The following CALB1 variants were observed in gnomAD, a reference collection of about 807,000 sequenced individuals.
The protein encoded by CALB1 is calbindin 1, also known as calbindin.
Under a neutral mutation model 46.7 loss-of-function variants are expected in CALB1, and 16 were observed. The ratio of observed to expected loss-of-function variants is 0.34; its 90% CI spans 0.23 to 0.52. CALB1 has a LOEUF of 0.52. Ranked by LOEUF, CALB1 falls within the 20% of genes least tolerant of loss-of-function variation. CALB1 has a pLI of 0.95. For synonymous variants in CALB1, 90 were observed against 112.8 expected, an observed-to-expected ratio of 0.80 and a Z score of 1.28; for missense variants, 224 against 300.3, an observed-to-expected ratio of 0.75 and a Z score of 1.88.
chr8:90,074,029 A>G (rs1484635735), intron 3 of CALB1, among the ~76,000 whole-genome samples: 1 of 150,686 alleles, frequency 6.6e-6, no homozygotes, highest in African/African-American at 2.4e-5. Flanking sequence ...TTTTTTTTTC[A>G]CTTGAGAACC....
At chr8:90,074,564 T>C (rs1814587532) in intron 3 of CALB1, among the ~76,000 whole-genome samples, 1 of 152,198 alleles carries the variant, frequency 6.6e-6, no homozygotes, top group South Asian at 2.1e-4. Flanking sequence ...AAAATCAGAT[T>C]TCATTGTCAG....
At chr8:90,082,004 T>G (rs1286595018) in intron 2 of CALB1, 22 bp downstream of exon 2, 2 of 1,600,392 alleles carry the variant, frequency 1.2e-6, no homozygotes, top group East Asian at 2.2e-5. Flanking sequence ...TCTTTTTTTC[T>G]TTTTCGCAAA....
chr8:90,070,117 T>A (rs1165435943), intron 3 of CALB1, among the ~76,000 whole-genome samples: 2 of 152,016 alleles, frequency 1.3e-5, no homozygotes, highest in African/African-American at 4.8e-5. Context: ...TTAGCTGTGG[T>A]CCCCAGCAAC....
At chr8:90,071,796 A>G (rs1814524354) in intron 3 of CALB1, among the ~76,000 whole-genome samples, 1 of 152,212 alleles carries the variant, frequency 6.6e-6, no homozygotes, top group Admixed American at 6.5e-5. Flanking sequence ...GTGTTCATTT[A>G]GGAAACAGGA....
intron 3 of CALB1, among the ~76,000 whole-genome samples, chr8:90,071,186 AT>A (rs1359372983): frequency 6.6e-6 from 1 of 152,084 alleles, no homozygotes; most frequent in Non-Finnish European, 1.5e-5. Flanking sequence ...CAAATAATGA[AT>A]TTGTTGGTGA....
intron 3 of CALB1, among the ~76,000 whole-genome samples, chr8:90,070,350 G>C (rs1026698460): frequency 1.3e-5 from 2 of 152,038 alleles, no homozygotes; most frequent in Non-Finnish European, 1.5e-5. Flanking sequence ...GTGGATTTTA[G>C]GCCAACAGCC....
chr8:90,075,804 C>A (rs1445499750), intron 3 of CALB1, among the ~76,000 whole-genome samples: 1 of 152,018 alleles, frequency 6.6e-6, no homozygotes. Context: ...TATTTTTCCT[C>A]CTATTCTCCA....
At chr8:90,068,334 C>T (rs968119832) in intron 5 of CALB1, among the ~76,000 whole-genome samples, 2 of 152,064 alleles carry the variant, frequency 1.3e-5, no homozygotes, top group African/African-American at 2.4e-5. Flanking sequence ...CTGTGATATC[C>T]GAAGTGATAA....
In CALB1 at chr8:90,070,035, G is replaced by A. The variant is rs575832743; in HGVS notation, c.232-798C>T. On this transcript the variant is annotated intron_variant, in intron 3 of 10. Transcript: ENST00000265431. ...TCCCATTTTATGACTAATCTATTGC[G>A]TACAGAGAAGGAAGGAGCTGGATTG... is the stretch of plus-strand genomic sequence containing the variant. 3.8e-4 allele frequency among the ~76,000 whole-genome samples: 57 copies of A among 149,180 alleles called. 1 individual carries two copies. The South Asian group carries it at 8.6e-3, about 23-fold the overall frequency.
Position 90,069,221 on chromosome 8 carries a change from G to A in CALB1, c.248C>T (p.Pro83Leu), listed in dbSNP as rs1814455403. 1 of 1,613,594 alleles carries A rather than the reference G, an allele frequency of 6.2e-7. No homozygotes were observed. Among genetic ancestry groups the A allele is most frequent in the Non-Finnish European group, 8.5e-7 (1 of 1,179,592 alleles). ...IGIVELAHVL[P>L]TEENFLLLFR... ...GAGCAGCAGGAAATTCTCTTCTGTG[G>A]GTAATACGTGAGCCAACTGGAAAAG... Residue 83 changes from proline (P) to leucine (L), a missense_variant, in exon 4 of 11, where the codon CCC (proline) becomes CTC (leucine). Coordinates refer to ENST00000265431, the MANE Select transcript of CALB1 (RefSeq NM_004929.4).
At chr8:90,066,709 G>A (rs1442122330) in intron 5 of CALB1, among the ~76,000 whole-genome samples, 3 of 151,976 alleles carry the variant, frequency 2.0e-5, no homozygotes, top group African/African-American at 7.2e-5. Flanking sequence ...ATGAATTTAA[G>A]TTTTTTTAAC....
intron 9 of CALB1, 117 bp downstream of exon 9, chr8:90,062,983 G>A (rs1361702003): frequency 1.5e-6 from 1 of 655,064 alleles, no homozygotes; most frequent in East Asian, 2.8e-5. Flanking sequence ...AAGATCTGCT[G>A]TCAAGATTGT....
At position 90,082,818 on chromosome 8, in the gene CALB1, G is replaced by A. The variant is rs1182426600; in HGVS notation, c.-121C>T. The A allele has an allele frequency of 8.2e-5, 68 of 827,166 alleles. No individual in the cohort carries two copies. In the East Asian group the frequency reaches 1.7e-3, roughly 21 times the overall value. The allele number at this position is 827,166 out of a possible 1,614,324, so 51.2% of individuals were successfully genotyped here. A position where few individuals can be genotyped will look rare whatever the true frequency, so the allele number is the denominator to read the frequency against. The stretch of plus-strand genomic sequence containing the variant: ...GGCTGCGGAGGGAGACCTGGGCGCG[G>A]GCGCTGCCGGGCGCTGTCCTCGGTG... On this transcript the variant is annotated 5_prime_UTR_variant, in exon 1 of 11. Coordinates refer to ENST00000265431, the MANE Select transcript of CALB1 (RefSeq NM_004929.4).
intron 3 of CALB1, among the ~76,000 whole-genome samples, chr8:90,069,850 G>A (rs572721579): frequency 6.6e-6 from 1 of 152,232 alleles, no homozygotes; most frequent in Non-Finnish European, 1.5e-5. Context: ...TTCTCAAATT[G>A]TTGCTTTCTG....
chr8:90,070,591 A>T (rs1814494645), intron 3 of CALB1, among the ~76,000 whole-genome samples: 1 of 152,160 alleles, frequency 6.6e-6, no homozygotes, highest in Admixed American at 6.6e-5. Context: ...TAATATTTCA[A>T]ATTAAAACCA....
Position 90,062,812 on chromosome 8 carries a change from C to T in CALB1, c.600+288G>A, listed in dbSNP as rs568750027. 121 of 275,836 alleles carry T rather than the reference C, an allele frequency of 4.4e-4. 1 individual carries two copies. The East Asian group carries it at 9.4e-3, about 21-fold the overall frequency. 17.1% of individuals were successfully genotyped at this position (275,836 alleles called of 1,614,324 possible). ...ATAGAACTGCATATGATCAATCAAT[C>T]TCAGCACAAGACAAATTCTGCATGA... On this transcript the variant is annotated intron_variant, in intron 9 of 10. Coordinates refer to ENST00000265431, the MANE Select transcript of CALB1 (RefSeq NM_004929.4).
intron 6 of CALB1, 113 bp from the exon 7 acceptor site, chr8:90,063,574 A>G (rs1011882376): frequency 2.5e-6 from 2 of 807,886 alleles, no homozygotes; most frequent in African/African-American, 3.5e-5. Flanking sequence ...TATATGCAGT[A>G]AAATTTTAAA....
chr8:90,070,863 T>TGA (rs1287437226), intron 3 of CALB1, among the ~76,000 whole-genome samples: 136 of 140,388 alleles, frequency 9.7e-4, no homozygotes, highest in Non-Finnish European at 1.3e-3. Flanking sequence ...TGTGTGTGTG[T>TGA]GTGTGTGTGT....
intron 6 of CALB1, among the ~76,000 whole-genome samples, chr8:90,065,012 T>A (rs949612122): frequency 6.6e-6 from 1 of 151,832 alleles, no homozygotes; most frequent in Admixed American, 6.6e-5. Context: ...CAATCTAATA[T>A]AACAGTAGCT....
Sources: gnomAD v4.1 joint callset for allele counts (sites outside exome capture counted in the v4.1 genomes callset) on GRCh38, gnomAD v4.1.1 for gene constraint, MANE v1.5 for transcripts, NCBI Gene and HGNC (gene_info 2026-07-23, HGNC 2026-07-21) for gene names.